EIF4B: variants seen among roughly 807,000 people sequenced by gnomAD.
EIF4B encodes the protein eukaryotic translation initiation factor 4B.
In EIF4B, 8 loss-of-function variants were observed where a neutral mutation model predicts 79.3. The observed-to-expected ratio is 0.10, with a 90% CI of 0.06 to 0.18. The LOEUF is 0.18. Ranked by LOEUF, EIF4B falls within the 10% of genes least tolerant of loss-of-function variation. The probability of loss-of-function intolerance (pLI) is 1.00; values close to 1 mark genes in which losing one functional copy is unlikely to be tolerated. For synonymous variants in EIF4B, 238 were observed against 274.7 expected (o/e 0.87, Z 1.32); for missense variants, 515 against 792.4 (o/e 0.65, Z 4.20).
intron 10 of EIF4B, among the ~76,000 whole-genome samples, chr12:53,036,260 C>G (rs1943539470): frequency 6.6e-6 from 1 of 152,056 alleles, no homozygotes; most frequent in African/African-American, 2.4e-5. Context: ...TTACAGGAGT[C>G]TGCCACCAGG....
intron 11 of EIF4B, 178 bp from the exon 12 acceptor site, chr12:53,038,178 C>T (rs555113329): frequency 2.0e-6 from 1 of 492,302 alleles, no homozygotes; most frequent in Admixed American, 3.9e-5. Flanking sequence ...GCATATGGCA[C>T]TTTAGTGTTC....
intron 1 of EIF4B, among the ~76,000 whole-genome samples, chr12:53,007,857 C>T (rs902478263): frequency 4.6e-5 from 7 of 152,162 alleles, no homozygotes; most frequent in Admixed American, 2.0e-4. Flanking sequence ...ATGTTGTCTC[C>T]TTCCATCCTG....
At chr12:53,011,948 A>G (rs1304819071) in intron 1 of EIF4B, among the ~76,000 whole-genome samples, 1 of 152,234 alleles carries the variant, frequency 6.6e-6, no homozygotes, top group Non-Finnish European at 1.5e-5. Context: ...TGAATTGCAA[A>G]GGATTGATAA....
chr12:53,035,887 G>C, intron 10 of EIF4B, among the ~76,000 whole-genome samples: 1 of 149,794 alleles, frequency 6.7e-6, no homozygotes, highest in Non-Finnish European at 1.5e-5. Flanking sequence ...GCACGATTTT[G>C]GCTCACTGCA....
chr12:53,041,708 GCCCT>G lies in EIF4B; in HGVS notation c.*1486_*1489del, dbSNP rs1943642218. 6.6e-6 allele frequency: 1 copy of G among 152,122 alleles called. No homozygotes were observed. Among genetic ancestry groups the G allele is most frequent in the Non-Finnish European group, 1.5e-5 (1 of 68,034 alleles). The allele number at this position is 152,122 out of a possible 1,614,324, so 9.4% of individuals were successfully genotyped here. On this transcript the variant is annotated 3_prime_UTR_variant, in exon 15 of 15. Transcript: ENST00000262056. ...CCTTCTCCCATCAGTCCTAGATTAG[GCCCT>G]GTTCAGCCATGCAGGGGTGTTGGTT...
chr12:53,027,673 A>G, intron 6 of EIF4B, 109 bp from the exon 7 acceptor site: 2 of 1,441,984 alleles, frequency 1.4e-6, no homozygotes, highest in Non-Finnish European at 1.8e-6. Context: ...AAGAAATCAG[A>G]TAGAAAATTT....
chr12:53,030,418 T>C (rs1430156065), intron 8 of EIF4B, among the ~76,000 whole-genome samples: 1 of 63,146 alleles, frequency 1.6e-5, no homozygotes, highest in African/African-American at 6.9e-5. Context: ...ATATTCTTTT[T>C]TTTTTTTTTT....
rs184667401 is a variant in EIF4B at position 53,026,840 on chromosome 12, C to G, written c.668-942C>G. 1.5e-3 allele frequency among the ~76,000 whole-genome samples: 222 copies of G among 152,242 alleles called. 3 individuals are homozygous for G. Among genetic ancestry groups the G allele is most frequent in the Admixed American group, 0.013 (203 of 15,280 alleles). ...CTGGTCTCAAACCCCTGAGCTCAGG[C>G]AATCCACCAACCTCAACCTCCCAAA... is the stretch of plus-strand genomic sequence containing the variant. On this transcript the variant is annotated intron_variant, in intron 6 of 14. Transcript: ENST00000262056.
intron 3 of EIF4B, among the ~76,000 whole-genome samples, chr12:53,019,450 C>CTTTTCTTT (rs1943208491): frequency 1.5e-5 from 1 of 65,996 alleles, no homozygotes; most frequent in Non-Finnish European, 3.1e-5. Context: ...TTTTTTTTTT[C>CTTTTCTTT]TTTTTTTTTT....
chr12:53,033,720 A>T (rs1238191341), intron 8 of EIF4B, 86 bp from the exon 9 acceptor site: 3 of 1,378,726 alleles, frequency 2.2e-6, no homozygotes, highest in East Asian at 2.3e-5. Context: ...GTAGCATTTC[A>T]TAGGAGTTAT....
Position 53,020,043 on chromosome 12 carries a change from T to TGGGGATATGAGGGGTGTAA in EIF4B, c.477+19_477+37dup. 4 of 1,589,988 alleles carry TGGGGATATGAGGGGTGTAA rather than the reference T, an allele frequency of 2.5e-6. No individual in the cohort carries two copies. The highest frequency in any genetic ancestry group is 3.4e-6 in the Non-Finnish European group (4 of 1,168,240). On this transcript the variant is annotated intron_variant, in intron 4 of 14. Transcript: ENST00000262056. Reference sequence around the variant, plus strand: ...AATGAAGAGGTAAAGAAAATAAGAGTGGGGATATGAGGGGTGTAAGTTCAC... The same window carrying TGGGGATATGAGGGGTGTAA: ...AATGAAGAGGTAAAGAAAATAAGAGTGGGGATATGAGGGGTGTAAGGGGATATGAGGGGTGTAAGTTCAC...
At chr12:53,018,144 C>T (rs940941493) in intron 2 of EIF4B, among the ~76,000 whole-genome samples, 11 of 152,188 alleles carry the variant, frequency 7.2e-5, no homozygotes, top group African/African-American at 1.2e-4. Flanking sequence ...GCACATGCCA[C>T]CACACCTGGC....
chr12:53,027,862 G>C lies in EIF4B; in HGVS notation c.748G>C (p.Asp250His). 1 of 1,614,272 alleles carries C rather than the reference G, an allele frequency of 6.2e-7. No homozygotes were observed. Among genetic ancestry groups the C allele is most frequent in the Non-Finnish European group, 8.5e-7 (1 of 1,180,048 alleles). Residue 250 changes from aspartate to histidine, a missense_variant, in exon 7 of 15, where the codon GAT (aspartate) becomes CAT (histidine). Transcript: ENST00000262056. ...TCGGGATGGCCCACGCCGGGATATG[G>C]ATCGATATGGTGGCCGGGATCGCTA... ...GYRDGPRRDM[D>H]RYGGRDRYDD...
chr12:53,021,237 C>T (rs541929510), intron 4 of EIF4B, among the ~76,000 whole-genome samples: 19 of 152,280 alleles, frequency 1.2e-4, no homozygotes, highest in African/African-American at 3.8e-4. Context: ...AGATTGTAGA[C>T]AAAGCATGCT....
At chr12:53,026,783 G>C (rs1437759635) in intron 6 of EIF4B, among the ~76,000 whole-genome samples, 2 of 151,932 alleles carry the variant, frequency 1.3e-5, no homozygotes, top group African/African-American at 4.8e-5. Context: ...TTGTATATTT[G>C]ATAGAGTTGT....
At position 53,039,557 on chromosome 12, in the gene EIF4B, C is replaced by T. The variant is rs73303547; in HGVS notation, c.1683-73C>T. 142 of 1,552,256 alleles carry T rather than the reference C, an allele frequency of 9.1e-5. No homozygotes were observed. The African/African-American group carries it at 1.2e-3, about 14-fold the overall frequency. On this transcript the variant is annotated intron_variant, in intron 13 of 14. Transcript: ENST00000262056. ...GAGGTGCCTGTTCAGTGCCTTGAAA[C>T]TGCATGCATACACATGTTTGTATTA...
intron 6 of EIF4B, among the ~76,000 whole-genome samples, chr12:53,024,133 T>C (rs548701856): frequency 1.3e-5 from 2 of 152,114 alleles, no homozygotes; most frequent in Non-Finnish European, 2.9e-5. Flanking sequence ...GTGGGAAATA[T>C]CATGGGGTAG....
At chr12:53,019,027 A>AATT in intron 3 of EIF4B, 21 bp downstream of exon 3, 1 of 1,609,630 alleles carries the variant, frequency 6.2e-7, no homozygotes, top group Non-Finnish European at 8.5e-7. Flanking sequence ...AAGTTGTAAT[A>AATT]ATTAACTAGA....
In EIF4B at chr12:53,034,827, C is replaced by T. The variant is rs1301373598; in HGVS notation, c.1306+118C>T. 5.3e-6 allele frequency: 6 copies of T among 1,130,230 alleles called. No homozygotes were observed. In the Admixed American group the frequency reaches 1.3e-4, roughly 24 times the overall value. The allele number at this position is 1,130,230 out of a possible 1,614,324, so 70.0% of individuals were successfully genotyped here. On this transcript the variant is annotated intron_variant, in intron 10 of 14. Coordinates refer to ENST00000262056, the MANE Select transcript of EIF4B (RefSeq NM_001417.7). ...AGTCATGAACTCTTTATTTGGGTTG[C>T]ATGGGCCGATTGGAGTTTCATATCT... is the stretch of plus-strand genomic sequence containing the variant.
Sources: gnomAD v4.1 joint callset for allele counts (sites outside exome capture counted in the v4.1 genomes callset) on GRCh38, gnomAD v4.1.1 for gene constraint, MANE v1.5 for transcripts, NCBI Gene and HGNC (gene_info 2026-07-23, HGNC 2026-07-21) for gene names.